Variants in TPTE2 observed in about 807,000 individuals in gnomAD.
TPTE2 encodes the protein transmembrane phosphoinositide 3-phosphatase and tensin homolog 2.
Under a neutral mutation model 78.6 loss-of-function variants are expected in TPTE2, and 53 were observed. The ratio of observed to expected loss-of-function variants is 0.67; its 90% CI spans 0.54 to 0.85. TPTE2 has a LOEUF of 0.85. TPTE2 is among the 40% of genes least tolerant of loss of function. The pLI, the probability that TPTE2 is intolerant of heterozygous loss-of-function variation, is 0.00. For synonymous variants in TPTE2, 175 were observed against 206.2 expected, an observed-to-expected ratio of 0.85 and a Z score of 1.30; for missense variants, 461 against 623.0, an observed-to-expected ratio of 0.74 and a Z score of 2.77.
At chr13:19,548,982 A>T in the TPTE2 span, among the ~76,000 whole-genome samples, 1 of 152,036 alleles carries the variant, frequency 6.6e-6, no homozygotes, top group African/African-American at 2.4e-5. Context: ...TTAGCTGGGC[A>T]TGGTGGCGGG....
At chr13:19,439,876 C>T (rs1247866318) in intron 13 of TPTE2, among the ~76,000 whole-genome samples, 2 of 152,110 alleles carry the variant, frequency 1.3e-5, no homozygotes, top group Admixed American at 6.5e-5. Context: ...GAAGACTGGT[C>T]TTTTGAACTA....
chr13:19,528,720 C>T (rs1227303158), intron 1 of TPTE2, among the ~76,000 whole-genome samples: 1 of 152,184 alleles, frequency 6.6e-6, no homozygotes, highest in African/African-American at 2.4e-5. Context: ...CTTAAGTCTG[C>T]ATGGTTATCC....
intron 1 of TPTE2, among the ~76,000 whole-genome samples, chr13:19,495,275 G>A (rs1593396533): frequency 1.3e-5 from 2 of 152,296 alleles, no homozygotes; most frequent in Middle Eastern, 3.4e-3. Context: ...CTCACATAAA[G>A]GCAGAGCTCT....
chr13:19,513,447 G>A (rs796465381), intron 1 of TPTE2, among the ~76,000 whole-genome samples: 6 of 152,300 alleles, frequency 3.9e-5, no homozygotes, highest in African/African-American at 1.4e-4. Flanking sequence ...CCCATCTCCA[G>A]TATCTATTAT....
At chr13:19,467,120 A>T (rs1415892572) in intron 7 of TPTE2, 105 bp downstream of exon 10, 1 of 1,338,948 alleles carries the variant, frequency 7.5e-7, no homozygotes, top group Admixed American at 2.7e-5. Context: ...TGTATTTGGT[A>T]TAGATGAGAA....
intron 13 of TPTE2, among the ~76,000 whole-genome samples, chr13:19,440,403 T>C (rs1877411507): frequency 7.0e-6 from 1 of 142,784 alleles, no homozygotes; most frequent in Admixed American, 7.3e-5. Flanking sequence ...AAAAAGCTTT[T>C]GATAAAATTC....
At chr13:19,529,279 T>G (rs1870716822) in intron 1 of TPTE2, among the ~76,000 whole-genome samples, 1 of 152,100 alleles carries the variant, frequency 6.6e-6, no homozygotes, top group Non-Finnish European at 1.5e-5. Context: ...GCCCTAAGCC[T>G]GCAGACTCAG....
intron 1 of TPTE2, among the ~76,000 whole-genome samples, chr13:19,496,766 T>C (rs1348786763): frequency 1.3e-5 from 2 of 152,166 alleles, no homozygotes; most frequent in Admixed American, 6.5e-5. Flanking sequence ...ATCTGAGTCC[T>C]TTAAGAAGCT....
At chr13:19,503,090 G>T in intron 1 of TPTE2, 134 bp downstream of exon 4, 1 of 1,255,848 alleles carries the variant, frequency 8.0e-7, no homozygotes. Context: ...GTTAGTGGAT[G>T]TGTTTGGGAG....
intron 16 of TPTE2, among the ~76,000 whole-genome samples, chr13:19,432,069 G>A (rs1464531846): frequency 1.2e-3 from 62 of 53,452 alleles, no homozygotes; most frequent in African/African-American, 2.8e-3. Flanking sequence ...GATACGATAC[G>A]GAGACACCTC....
intron 1 of TPTE2, among the ~76,000 whole-genome samples, chr13:19,520,331 T>C (rs1870072853): frequency 6.6e-6 from 1 of 152,044 alleles, no homozygotes; most frequent in Non-Finnish European, 1.5e-5. Context: ...CAGGTATCCT[T>C]GTCTTGTTTC....
chr13:19,425,025 G>GA lies in TPTE2; in HGVS notation c.1396-9dup. The GA allele has an allele frequency of 1.5e-5, 22 of 1,471,302 alleles. No individual in the cohort carries two copies. The highest frequency in any genetic ancestry group is 4.5e-5 in the Admixed American group (2 of 44,926). The allele number at this position is 1,471,302 out of a possible 1,614,324, so 91.1% of individuals were successfully genotyped here. A position where few individuals can be genotyped will look rare whatever the true frequency, so the allele number is the denominator to read the frequency against. ...ATAGTATTTAGGAAGATTCTAAAAA[G>GA]AAAAAAAATTTCAAAGTAAAACTGA... On this transcript the variant is annotated splice_polypyrimidine_tract_variant and intron_variant, in intron 18 of 19. Coordinates refer to ENST00000400230, the Ensembl canonical transcript of TPTE2.
At chr13:19,536,584 G>A (rs1206980208) in intron 1 of TPTE2, 2 of 152,060 alleles carry the variant, frequency 1.3e-5, no homozygotes, top group Non-Finnish European at 2.9e-5. Context: ...CATGTATTCT[G>A]CTGCAACTTA....
chr13:19,519,569 T>A (rs1870022072), intron 1 of TPTE2, among the ~76,000 whole-genome samples: 1 of 152,176 alleles, frequency 6.6e-6, no homozygotes, highest in Non-Finnish European at 1.5e-5. Flanking sequence ...GGTACCCTTG[T>A]GGAAAATCAA....
chr13:19,450,600 TTCATTA>T (rs1878114402), intron 11 of TPTE2, among the ~76,000 whole-genome samples: 1 of 152,180 alleles, frequency 6.6e-6, no homozygotes, highest in Non-Finnish European at 1.5e-5. Context: ...TAGCAGCCTA[TTCATTA>T]TATTATTTCA....
chr13:19,479,729 C>T (rs1365900537), intron 4 of TPTE2, among the ~76,000 whole-genome samples: 1 of 151,980 alleles, frequency 6.6e-6, no homozygotes, highest in Non-Finnish European at 1.5e-5. Flanking sequence ...TTTGGGTGGC[C>T]AAGGTGGGCG....
At chr13:19,454,132 C>T (rs1402037247) in intron 10 of TPTE2, among the ~76,000 whole-genome samples, 2 of 152,204 alleles carry the variant, frequency 1.3e-5, no homozygotes, top group African/African-American at 4.8e-5. Flanking sequence ...GGTCCTGCTT[C>T]TCTAAAGTTT....
rs774436949 is a variant in TPTE2, at chr13:19,464,558, T to A, written c.677-38A>T. 11 of 1,590,518 alleles carry A rather than the reference T, an allele frequency of 6.9e-6. No individual in the cohort carries two copies. The South Asian group carries it at 1.1e-4, about 16-fold the overall frequency. ...ATCATCACTATTACAAACATTATTA[T>A]AGATTTCATATAACACAAAAAAAAT... On this transcript the variant is annotated intron_variant, in intron 9 of 19. Coordinates refer to ENST00000400230, the Ensembl canonical transcript of TPTE2.
chr13:19,472,266 C>T (rs1310111722), intron 6 of TPTE2, among the ~76,000 whole-genome samples: 1 of 152,052 alleles, frequency 6.6e-6, no homozygotes, highest in African/African-American at 2.4e-5. Flanking sequence ...TTCTACACTC[C>T]CCACCTCCTC....
Sources: allele counts gnomAD v4.1 joint callset (sites outside exome capture counted in the v4.1 genomes callset), GRCh38; gene constraint gnomAD v4.1.1; transcripts MANE v1.5; gene names NCBI Gene and HGNC (gene_info 2026-07-23, HGNC 2026-07-21).